DAB1: variants seen among roughly 807,000 people sequenced by gnomAD.
DAB1 encodes the protein DAB adaptor protein 1, also known as disabled homolog 1.
Under a neutral mutation model 64.6 loss-of-function variants are expected in DAB1, and 15 were observed. The observed-to-expected ratio is 0.23, with a 90% CI of 0.16 to 0.36. The LOEUF (loss-of-function observed/expected upper bound fraction) is 0.36, where lower values mean the gene tolerates loss of function less well. DAB1 is among the 10% of genes least tolerant of loss of function. DAB1 has a pLI of 1.00. For synonymous variants in DAB1, 235 were observed against 251.9 expected, an observed-to-expected ratio of 0.93 and a Z score of 0.64; for missense variants, 596 against 706.7, an observed-to-expected ratio of 0.84 and a Z score of 1.78.
intron 6 of DAB1, among the ~76,000 whole-genome samples, chr1:57,718,835 G>C (rs939530032): frequency 6.6e-6 from 1 of 152,028 alleles, no homozygotes; most frequent in African/African-American, 2.4e-5. Context: ...AAATAATGAA[G>C]CCTTGAGATG....
chr1:57,013,036 G>C (rs1194671957), intron 12 of DAB1, among the ~76,000 whole-genome samples: 1 of 152,180 alleles, frequency 6.6e-6, no homozygotes, highest in Non-Finnish European at 1.5e-5. Flanking sequence ...CATTTTTCTC[G>C]ACACTAGAGG....
chr1:58,250,306 G>A (rs1440469811), intron 4 of DAB1, among the ~76,000 whole-genome samples: 1 of 152,230 alleles, frequency 6.6e-6, no homozygotes, highest in African/African-American at 2.4e-5. Flanking sequence ...GCAGTAGAGG[G>A]CGAGCGGGCT....
intron 4 of DAB1, among the ~76,000 whole-genome samples, chr1:57,129,046 A>T (rs1322822183): frequency 2.0e-5 from 3 of 152,150 alleles, no homozygotes; most frequent in Admixed American, 2.0e-4. Flanking sequence ...GAGCGCTTAG[A>T]GGATTGAGTT....
At chr1:57,636,125 A>G (rs1646053864) in intron 7 of DAB1, among the ~76,000 whole-genome samples, 1 of 150,824 alleles carries the variant, frequency 6.6e-6, no homozygotes, top group East Asian at 1.9e-4. Context: ...AAAAACAAAA[A>G]ACTGGTGCCC....
chr1:57,757,220 T>TTTTTTTTTTTTTTGTTTTTTTTG (rs200688727), intron 6 of DAB1, among the ~76,000 whole-genome samples: 1 of 120,152 alleles, frequency 8.3e-6, no homozygotes, highest in Non-Finnish European at 1.8e-5. Flanking sequence ...TTTTTTTTTT[T>TTTTTTTTTTTTTTGTTTTTTTTG]AGCAGCAATG....
At chr1:58,440,423 G>A (rs1297580376) in intron 3 of DAB1, among the ~76,000 whole-genome samples, 1 of 152,208 alleles carries the variant, frequency 6.6e-6, no homozygotes, top group Non-Finnish European at 1.5e-5. Flanking sequence ...AGCACAAGAG[G>A]AGGGACCCTT....
intron 3 of DAB1, chr1:58,473,828 T>G (rs1557431575): frequency 1.7e-6 from 1 of 584,966 alleles, no homozygotes; most frequent in South Asian, 1.5e-5. Context: ...CCAAGCACAC[T>G]TCCCAAGACT....
chr1:57,561,722 C>T (rs960291813), intron 7 of DAB1, among the ~76,000 whole-genome samples: 8 of 152,160 alleles, frequency 5.3e-5, no homozygotes, highest in East Asian at 1.9e-4. Context: ...ATGGAGGTTA[C>T]GCATGGGCTC....
intron 4 of DAB1, among the ~76,000 whole-genome samples, chr1:58,274,929 C>G (rs997417621): frequency 6.7e-6 from 1 of 149,648 alleles, no homozygotes; most frequent in Admixed American, 6.7e-5. Context: ...GAGAGAAACC[C>G]GGTACCTCAG....
intron 5 of DAB1, among the ~76,000 whole-genome samples, chr1:57,908,930 C>T (rs1231438056): frequency 6.6e-6 from 1 of 152,074 alleles, no homozygotes; most frequent in Non-Finnish European, 1.5e-5. Flanking sequence ...TGCTGCTCTT[C>T]ACTTTAAAGG....
chr1:57,726,042 C>T (rs1001540045), intron 6 of DAB1, among the ~76,000 whole-genome samples: 11 of 152,212 alleles, frequency 7.2e-5, no homozygotes, highest in African/African-American at 2.7e-4. Flanking sequence ...GTGGGAGCCA[C>T]CGTGCCCGGC....
intron 5 of DAB1, among the ~76,000 whole-genome samples, chr1:58,041,092 T>C (rs959962609): frequency 3.9e-5 from 6 of 152,308 alleles, no homozygotes; most frequent in Non-Finnish European, 8.8e-5. Context: ...ACTCTCCTAA[T>C]AATCTTTTTT....
intron 4 of DAB1, among the ~76,000 whole-genome samples, chr1:58,326,049 C>T (rs1466931628): frequency 6.6e-6 from 1 of 152,278 alleles, no homozygotes; most frequent in Admixed American, 6.5e-5. Context: ...AAATCTACTC[C>T]TTCACGTGTC....
At chr1:58,380,392 C>A (rs1339081810) in intron 3 of DAB1, among the ~76,000 whole-genome samples, 1 of 152,094 alleles carries the variant, frequency 6.6e-6, no homozygotes, top group Non-Finnish European at 1.5e-5. Context: ...TTCCTAAGGC[C>A]TCCCCAGCCA....
At chr1:58,482,261 T>C (rs923268054) in intron 3 of DAB1, among the ~76,000 whole-genome samples, 4 of 151,972 alleles carry the variant, frequency 2.6e-5, no homozygotes, top group African/African-American at 4.8e-5. Flanking sequence ...AGGCCCAAAA[T>C]TGAAGTTAGA....
At chr1:58,443,783 T>C (rs1645037628) in intron 3 of DAB1, among the ~76,000 whole-genome samples, 1 of 152,250 alleles carries the variant, frequency 6.6e-6, no homozygotes, top group Non-Finnish European at 1.5e-5. Context: ...CAATCATGTT[T>C]ACTCTTCTAA....
At chr1:57,067,360 G>A (rs1471962679) in intron 8 of DAB1, among the ~76,000 whole-genome samples, 1 of 152,062 alleles carries the variant, frequency 6.6e-6, no homozygotes, top group Non-Finnish European at 1.5e-5. Context: ...ATTTACAGAG[G>A]TCAGAGGGAC....
intron 2 of DAB1, among the ~76,000 whole-genome samples, chr1:58,521,217 C>A (rs56381640): frequency 0.048 from 7,314 of 151,710 alleles, 222 homozygotes; most frequent in African/African-American, 0.063. Context: ...GAAACCACAG[C>A]GAAAACAAGA....
rs534789037 is a variant in DAB1, at chr1:57,718,629, G to A, written n.552-68964C>T. On this transcript the variant is annotated intron_variant and non_coding_transcript_variant, in intron 6 of 20. Coordinates refer to the DAB1 transcript ENST00000485760. ...TGATTATCTTGTATCTAAAAGATAT[G>A]TTCCAATCAATAGTTACAATAAACA... 8.5e-5 allele frequency among the ~76,000 whole-genome samples: 13 copies of A among 152,254 alleles called. No individual in the cohort carries two copies. In the South Asian group the frequency reaches 2.3e-3, roughly 27 times the overall value.
Sources: allele counts gnomAD v4.1 joint callset (sites outside exome capture counted in the v4.1 genomes callset), GRCh38; gene constraint gnomAD v4.1.1; transcripts MANE v1.5; gene names NCBI Gene and HGNC (gene_info 2026-07-23, HGNC 2026-07-21).